Variants in CREM observed in about 807,000 individuals in gnomAD.
CREM encodes the protein cAMP responsive element modulator.
Under a neutral mutation model 37.3 loss-of-function variants are expected in CREM, and 13 were observed. The ratio of observed to expected loss-of-function variants is 0.35; its 90% CI spans 0.23 to 0.55. The LOEUF is 0.55. Ranked by LOEUF, CREM falls within the 20% of genes least tolerant of loss-of-function variation. The probability of loss-of-function intolerance (pLI) is 0.88; values close to 1 mark genes in which losing one functional copy is unlikely to be tolerated. For synonymous variants in CREM, 124 were observed against 120.2 expected, an observed-to-expected ratio of 1.03 and a Z score of -0.21; for missense variants, 296 against 362.3, an observed-to-expected ratio of 0.82 and a Z score of 1.49.
chr10:35,175,606 C>T, intron 3 of CREM: 3 of 1,494,698 alleles, frequency 2.0e-6, no homozygotes, highest in Non-Finnish European at 2.8e-6. Context: ...ACATTCTTAG[C>T]CACCGAAGTA....
chr10:35,138,750 G>T (rs968848299), intron 2 of CREM, among the ~76,000 whole-genome samples: 3 of 151,486 alleles, frequency 2.0e-5, no homozygotes, highest in Admixed American at 1.3e-4. Context: ...TAGGCCGGGT[G>T]CAGTGGCTTA....
At chr10:35,177,577 A>G (rs1204252291) in intron 3 of CREM, among the ~76,000 whole-genome samples, 1 of 152,194 alleles carries the variant, frequency 6.6e-6, no homozygotes, top group Non-Finnish European at 1.5e-5. Flanking sequence ...GGGATTACAG[A>G]TGTGAGCCAC....
intron 3 of CREM, among the ~76,000 whole-genome samples, chr10:35,168,701 G>C (rs1162713987): frequency 6.6e-6 from 1 of 152,114 alleles, no homozygotes; most frequent in Non-Finnish European, 1.5e-5. Context: ...GTATTGCCTA[G>C]GTTTTCTTCT....
intron 3 of CREM, among the ~76,000 whole-genome samples, chr10:35,162,232 A>G (rs779625070): frequency 1.3e-5 from 2 of 152,198 alleles, no homozygotes; most frequent in Non-Finnish European, 2.9e-5. Flanking sequence ...TCATAGAATT[A>G]GAGGGAAGAA....
rs779955748 is a variant in CREM at position 35,167,811 on chromosome 10, A to T, written c.169-11078A>T. 36 of 1,611,380 alleles carry T rather than the reference A, an allele frequency of 2.2e-5. No individual in the cohort carries two copies. In the South Asian group the frequency reaches 3.6e-4, roughly 16 times the overall value. On this transcript the variant is annotated intron_variant, in intron 3 of 7. Coordinates refer to ENST00000685392, the MANE Select transcript of CREM (RefSeq NM_183011.2). ...GGGGATGTGGAAGAAAAGGTAAATG[A>T]TGTCTGCTATAAGTACCTTCACACT...
At chr10:35,133,393 C>T (rs150594073) in intron 1 of CREM, among the ~76,000 whole-genome samples, 82 of 151,136 alleles carry the variant, frequency 5.4e-4, no homozygotes, top group Middle Eastern at 3.4e-3. Context: ...CTGCAGCCTT[C>T]GCCTCCCAGA....
intron 3 of CREM, chr10:35,176,103 A>G: frequency 7.1e-7 from 1 of 1,408,112 alleles, no homozygotes; most frequent in Admixed American, 2.7e-5. Flanking sequence ...GCTTATACGC[A>G]AATCTTTTTA....
intron 3 of CREM, among the ~76,000 whole-genome samples, chr10:35,150,679 GT>G (rs2092534360): frequency 6.6e-6 from 1 of 152,052 alleles, no homozygotes; most frequent in South Asian, 2.1e-4. Context: ...AAACTAGGTG[GT>G]TATGGTGGCA....
chr10:35,161,329 C>CTA (rs2093280526), intron 3 of CREM, among the ~76,000 whole-genome samples: 1 of 151,592 alleles, frequency 6.6e-6, no homozygotes, highest in South Asian at 2.1e-4. Context: ...CAAAATTTCT[C>CTA]TACTAAAAAT....
intron 7 of CREM, chr10:35,209,350 C>G: frequency 1.0e-6 from 1 of 985,394 alleles, no homozygotes; most frequent in Non-Finnish European, 1.2e-6. Context: ...ACTTCCTCTC[C>G]GTGCTGAGGA....
chr10:35,198,382 G>A (rs1341502089), intron 6 of CREM, among the ~76,000 whole-genome samples: 4 of 152,016 alleles, frequency 2.6e-5, no homozygotes, highest in African/African-American at 9.7e-5. Flanking sequence ...AATTAGCCAG[G>A]CGTGGTGGCA....
At chr10:35,208,303 A>C (rs1588923467) in intron 7 of CREM, among the ~76,000 whole-genome samples, 2 of 152,052 alleles carry the variant, frequency 1.3e-5, no homozygotes, top group African/African-American at 2.4e-5. Context: ...ATTTTCTCTC[A>C]CTTTTTCTTG....
intron 3 of CREM, among the ~76,000 whole-genome samples, chr10:35,170,508 C>T (rs368390979): frequency 2.6e-5 from 4 of 152,108 alleles, no homozygotes; most frequent in East Asian, 1.9e-4. Context: ...TGGTAGAATT[C>T]GGCTGTGAAT....
intron 1 of CREM, among the ~76,000 whole-genome samples, chr10:35,128,875 T>C (rs2088710180): frequency 6.6e-6 from 1 of 152,166 alleles, no homozygotes; most frequent in African/African-American, 2.4e-5. Flanking sequence ...CCTTCCTAAG[T>C]CATAGTAGTC....
intron 5 of CREM, chr10:35,179,699 A>C (rs563678985): frequency 6.4e-6 from 1 of 157,074 alleles, no homozygotes; most frequent in African/African-American, 2.4e-5. Flanking sequence ...ATGTTTCACT[A>C]CTCTCTACTC....
At chr10:35,194,768 G>GT (rs1261698944) in intron 6 of CREM, among the ~76,000 whole-genome samples, 1 of 150,286 alleles carries the variant, frequency 6.7e-6, no homozygotes, top group Admixed American at 6.6e-5. Flanking sequence ...ATCTCCAAGT[G>GT]TTTTTTCTCT....
intron 3 of CREM, among the ~76,000 whole-genome samples, chr10:35,167,114 C>A (rs1200037149): frequency 6.6e-6 from 1 of 152,138 alleles, no homozygotes; most frequent in Admixed American, 6.5e-5. Flanking sequence ...GCACTCCATC[C>A]TGGGTGACAG....
At chr10:35,127,874 GT>G in intron 1 of CREM, among the ~76,000 whole-genome samples, 1 of 151,804 alleles carries the variant, frequency 6.6e-6, no homozygotes, top group Non-Finnish European at 1.5e-5. Context: ...TTGAGACGGA[GT>G]CTTGCTGTTA....
chr10:35,195,856 G>A (rs192268917), intron 6 of CREM: 276 of 571,228 alleles, frequency 4.8e-4, no homozygotes, highest in African/African-American at 4.7e-3. Context: ...GCACATTGAC[G>A]TCAGCTCCGA....
Sources: allele counts gnomAD v4.1 joint callset (sites outside exome capture counted in the v4.1 genomes callset), GRCh38; gene constraint gnomAD v4.1.1; transcripts MANE v1.5; gene names NCBI Gene and HGNC (gene_info 2026-07-23, HGNC 2026-07-21).